GALP: variants seen among roughly 807,000 people sequenced by gnomAD.
GALP encodes galanin-like peptide.
A neutral mutation model predicts 15.2 loss-of-function variants in GALP; 12 were observed. The observed-to-expected ratio is 0.79, with a 90% CI of 0.51 to 1.28. The LOEUF (loss-of-function observed/expected upper bound fraction) is 1.28, where lower values mean the gene tolerates loss of function less well. Ranked by LOEUF, GALP falls within the 50% of genes most tolerant of loss-of-function variation. The pLI is 0.00. For synonymous variants in GALP, 58 were observed against 55.1 expected, an observed-to-expected ratio of 1.05 and a Z score of -0.23; for missense variants, 161 against 145.6, an observed-to-expected ratio of 1.11 and a Z score of -0.55.
chr19:56,177,240 C>G, intron 2 of GALP, 45 bp downstream of exon 2: 1 of 1,490,920 alleles, frequency 6.7e-7, no homozygotes. Flanking sequence ...GTCCCCAAAT[C>G]CCTGCCCTCT....
intron 5 of GALP, among the ~76,000 whole-genome samples, chr19:56,184,483 T>A (rs1235625099): frequency 1.0e-5 from 1 of 96,338 alleles, no homozygotes; most frequent in Non-Finnish European, 2.0e-5. Context: ...CTTTTCTTTT[T>A]CTTTTTTTTT....
intron 5 of GALP, among the ~76,000 whole-genome samples, chr19:56,184,660 T>A (rs1313680418): frequency 1.3e-5 from 2 of 151,708 alleles, no homozygotes; most frequent in African/African-American, 4.8e-5. Flanking sequence ...ATTTTTTGTA[T>A]TTTTAGTAGA....
At chr19:56,177,804 C>T (rs535530402) in intron 2 of GALP, among the ~76,000 whole-genome samples, 12 of 152,292 alleles carry the variant, frequency 7.9e-5, no homozygotes, top group Middle Eastern at 3.4e-3. Context: ...AGTGGATCTT[C>T]TTTGTCCAAT....
At chr19:56,180,008 C>G (rs574730588) in intron 2 of GALP, among the ~76,000 whole-genome samples, 1 of 152,172 alleles carries the variant, frequency 6.6e-6, no homozygotes, top group East Asian at 1.9e-4. Context: ...AACTCCTGAC[C>G]TCAGGTGATC....
chr19:56,183,286 G>C, intron 5 of GALP, 74 bp downstream of exon 5: 1 of 1,264,272 alleles, frequency 7.9e-7, no homozygotes, highest in Non-Finnish European at 1.2e-6. Context: ...AGAGCTTAGA[G>C]GGTAAAGGAA....
chr19:56,179,950 T>TA (rs1460831929), intron 2 of GALP, among the ~76,000 whole-genome samples: 2 of 152,160 alleles, frequency 1.3e-5, no homozygotes, highest in African/African-American at 4.8e-5. Context: ...TATGCCCAGC[T>TA]AATTTTTTTT....
At chr19:56,176,767 T>C (rs1208027123) in intron 1 of GALP, among the ~76,000 whole-genome samples, 5 of 151,580 alleles carry the variant, frequency 3.3e-5, no homozygotes, top group South Asian at 2.1e-4. Context: ...AACCCCAGCA[T>C]TGGTGGCAGG....
chr19:56,180,570 C>T lies in GALP; in HGVS notation c.88-16C>T. 6.2e-7 allele frequency: 1 copy of T among 1,612,984 alleles called. No homozygotes were observed. Among genetic ancestry groups the T allele is most frequent in the South Asian group, 1.1e-5 (1 of 91,056 alleles). On this transcript the variant is annotated splice_polypyrimidine_tract_variant and intron_variant, in intron 2 of 5. Transcript: ENST00000357330. ...TTTCTGTCTGCTTGAGTCTTGATTTCTGCATCTCTATCCAGGGACGAGGAG... is the reference window on the plus strand; with the variant it reads ...TTTCTGTCTGCTTGAGTCTTGATTTTTGCATCTCTATCCAGGGACGAGGAG...
chr19:56,185,270 G>A lies in GALP; in HGVS notation c.351G>A (p.Ter117=), dbSNP rs761730631. ...IPKEEDVLKS[*] is the part of the protein sequence containing the mutation. ...AGGAGGAAGATGTCCTGAAGTCATAGATGTCTTCAAATCCCTGTTCCTATC... is the reference window on the plus strand; with the variant it reads ...AGGAGGAAGATGTCCTGAAGTCATAAATGTCTTCAAATCCCTGTTCCTATC... The change falls in exon 6 of 6, where the codon TAG becomes TAA. Residue 117 remains the stop codon, a stop_retained_variant. Coordinates refer to ENST00000357330, the MANE Select transcript of GALP (RefSeq NM_033106.4). The A allele has an allele frequency of 2.0e-5, 31 of 1,586,446 alleles. No individual in the cohort carries two copies. The highest frequency in any genetic ancestry group is 2.6e-5 in the Non-Finnish European group (30 of 1,155,654).
intron 3 of GALP, among the ~76,000 whole-genome samples, chr19:56,180,889 C>CTCTTTCTTTCTT (rs1215077294): frequency 3.0e-5 from 3 of 101,018 alleles, no homozygotes; most frequent in African/African-American, 1.2e-4. Context: ...CGCTCTCTCA[C>CTCTTTCTTTCTT]TCTTTCTTTC....
chr19:56,178,518 CAACAAAA>C (rs2032504924), intron 2 of GALP, among the ~76,000 whole-genome samples: 1 of 57,398 alleles, frequency 1.7e-5, no homozygotes, highest in African/African-American at 1.0e-4. Flanking sequence ...CTAACAACAA[CAACAAAA>C]AAAAAAAAAA....
chr19:56,179,984 C>T (rs907693167), intron 2 of GALP, among the ~76,000 whole-genome samples: 2 of 152,020 alleles, frequency 1.3e-5, no homozygotes, highest in African/African-American at 4.8e-5. Context: ...ACGAGGTTGG[C>T]CAGGCTGGTC....
chr19:56,177,003 C>A (rs4368259), intron 1 of GALP, 67 bp from the exon 2 acceptor site: 56,968 of 752,548 alleles, frequency 0.076, 4,188 homozygotes, highest in East Asian at 0.34. Flanking sequence ...AAATAAATTC[C>A]TCTGTCCTTA....
In GALP at chr19:56,185,295, CCTT is replaced by C. The variant is rs575462556; in HGVS notation, c.*31_*33del. The stretch of plus-strand genomic sequence containing the variant: ...GATGTCTTCAAATCCCTGTTCCTAT[CCTT>C]CTTCTCCAGCTCCTCCTGCTCCCTC... On this transcript the variant is annotated 3_prime_UTR_variant, in exon 6 of 6. Transcript: ENST00000357330. The C allele has an allele frequency of 3.4e-4, 504 of 1,480,734 alleles. 1 individual carries two copies. The African/African-American group carries it at 6.3e-3, about 19-fold the overall frequency. The allele number at this position is 1,480,734 out of a possible 1,614,324, so 91.7% of individuals were successfully genotyped here. A position where few individuals can be genotyped will look rare whatever the true frequency, so the allele number is the denominator to read the frequency against.
intron 2 of GALP, among the ~76,000 whole-genome samples, chr19:56,179,312 CT>C (rs59121203): frequency 7.4e-4 from 103 of 139,804 alleles, no homozygotes; most frequent in Admixed American, 1.0e-3. Context: ...CTCTTTCTTT[CT>C]TTTTTTTTTT....
intron 2 of GALP, among the ~76,000 whole-genome samples, chr19:56,178,303 A>G (rs1296096445): frequency 1.3e-5 from 2 of 148,456 alleles, no homozygotes; most frequent in Non-Finnish European, 3.0e-5. Context: ...CCATCTCTTA[A>G]AAAAAAAAAA....
intron 2 of GALP, among the ~76,000 whole-genome samples, chr19:56,179,296 A>G (rs931381643): frequency 1.3e-5 from 2 of 148,534 alleles, no homozygotes; most frequent in Non-Finnish European, 3.0e-5. Flanking sequence ...TCTGGGCCTC[A>G]AGAGCCTCTT....
At chr19:56,183,589 A>G (rs952005632) in intron 5 of GALP, among the ~76,000 whole-genome samples, 1 of 152,084 alleles carries the variant, frequency 6.6e-6, no homozygotes, top group Admixed American at 6.6e-5. Context: ...CTCATGGTTC[A>G]ATTTCATTTA....
At position 56,177,070 on chromosome 19, in the gene GALP, C is replaced by T. The variant is rs761606205; in HGVS notation, c.-39C>T. 9 of 1,500,018 alleles carry T rather than the reference C, an allele frequency of 6.0e-6. No homozygotes were observed. Among genetic ancestry groups the T allele is most frequent in the African/African-American group, 5.5e-5 (4 of 72,498 alleles). The allele number at this position is 1,500,018 out of a possible 1,614,324, so 92.9% of individuals were successfully genotyped here. A position where few individuals can be genotyped will look rare whatever the true frequency, so the allele number is the denominator to read the frequency against. On this transcript the variant is annotated splice_region_variant and 5_prime_UTR_variant, in exon 2 of 6. Transcript: ENST00000357330. ...ATGACTGGCCGCTCTCTCCTTGCAG[C>T]GTGTTCCGCAGCTGTAGGCACCTGT...
Sources: gnomAD v4.1 joint callset for allele counts (sites outside exome capture counted in the v4.1 genomes callset) on GRCh38, gnomAD v4.1.1 for gene constraint, MANE v1.5 for transcripts, NCBI Gene and HGNC (gene_info 2026-07-23, HGNC 2026-07-21) for gene names.